The following DPP9 variants were observed in gnomAD, a reference collection of about 807,000 sequenced individuals.
The protein encoded by DPP9 is dipeptidyl peptidase 9.
A neutral mutation model predicts 110.7 loss-of-function variants in DPP9; 50 were observed. That is an observed-to-expected ratio of 0.45 (90% CI 0.36 to 0.57). DPP9 has a LOEUF of 0.57. DPP9 is among the 20% of genes least tolerant of loss of function. The pLI, the probability that DPP9 is intolerant of heterozygous loss-of-function variation, is 0.00. For missense variants in DPP9, 1,022 were observed against 1,217.9 expected, an observed-to-expected ratio of 0.84 and a Z score of 2.39; for synonymous variants, 561 against 514.4, an observed-to-expected ratio of 1.09 and a Z score of -1.23.
In DPP9 at chr19:4,675,782, T is replaced by G. The variant is rs2088775708; in HGVS notation, c.*782A>C. 2.0e-5 allele frequency: 3 copies of G among 152,302 alleles called. No homozygotes were observed. Among genetic ancestry groups the G allele is most frequent in the African/African-American group, 7.2e-5 (3 of 41,454 alleles). 9.4% of individuals were successfully genotyped at this position (152,302 alleles called of 1,614,324 possible). Reference sequence around the variant, plus strand: ...TTGCTTTCTGTCTTTTATTTTTTATTTATTTTGAGACAGAGTTTCGCTCTT... The same window carrying G: ...TTGCTTTCTGTCTTTTATTTTTTATGTATTTTGAGACAGAGTTTCGCTCTT... On this transcript the variant is annotated 3_prime_UTR_variant, in exon 22 of 22. Transcript: ENST00000262960.
chr19:4,691,442 C>T (rs1315910154), intron 13 of DPP9, among the ~76,000 whole-genome samples: 2 of 151,062 alleles, frequency 1.3e-5, no homozygotes, highest in Admixed American at 1.3e-4. Flanking sequence ...ACCACTGCCA[C>T]TCCAGCCTGG....
chr19:4,696,634 C>G (rs2091824169), intron 11 of DPP9, among the ~76,000 whole-genome samples: 1 of 151,402 alleles, frequency 6.6e-6, no homozygotes, highest in Non-Finnish European at 1.5e-5. Flanking sequence ...TGGCACGTGC[C>G]TGTACTCGGG....
At chr19:4,706,021 G>C (rs1238529601) in intron 4 of DPP9, 51 bp from the exon 5 acceptor site, 1 of 1,529,482 alleles carries the variant, frequency 6.5e-7, no homozygotes, top group Non-Finnish European at 9.0e-7. Flanking sequence ...TCAGGATGGG[G>C]AGACGCCCTC....
chr19:4,714,269 T>C lies in DPP9; in HGVS notation c.125A>G (p.Asp42Gly). ...GGCCGGGTCATCTGTGGCGGCTGCG[T>C]CGCCTCGGTCGGCCGTTGGGGTCCC... ...TTGTPTADRGDAAATDDPAAR... is the reference protein window; with the variant it reads ...TTGTPTADRGGAAATDDPAAR... The change falls in exon 4 of 22, where the codon GAC becomes GGC. Residue 42 changes from aspartate to glycine, a missense_variant. Around this residue, in one of 3 missense-constraint regions of DPP9, gnomAD observed 810 missense variants for 920.6 expected, o/e 0.88. Coordinates refer to ENST00000262960, the MANE Select transcript of DPP9 (RefSeq NM_139159.5). 3 of 1,560,634 alleles carry C rather than the reference T, an allele frequency of 1.9e-6. No homozygotes were observed. Among genetic ancestry groups the C allele is most frequent in the Non-Finnish European group, 2.6e-6 (3 of 1,155,608 alleles).
At chr19:4,701,243 G>C (rs531017948) in intron 9 of DPP9, among the ~76,000 whole-genome samples, 45 of 152,292 alleles carry the variant, frequency 3.0e-4, no homozygotes, top group African/African-American at 7.9e-4. Context: ...CGAGGCGAGA[G>C]GACCACTTGA....
intron 3 of DPP9, among the ~76,000 whole-genome samples, chr19:4,715,296 T>A (rs1461153010): frequency 6.6e-6 from 1 of 152,132 alleles, no homozygotes; most frequent in Non-Finnish European, 1.5e-5. Flanking sequence ...GTGCTGGGAT[T>A]ACAGGCATGA....
chr19:4,710,666 C>T lies in DPP9; in HGVS notation c.313+3415G>A, dbSNP rs962856196. ...GCTTTGAGCAGCAGGCCAGGCCTGG[C>T]CTTGAAGTCTGGACACTGGGCTAGT... On this transcript the variant is annotated intron_variant, in intron 4 of 21. Coordinates refer to ENST00000262960, the MANE Select transcript of DPP9 (RefSeq NM_139159.5). The surrounding 1 kb of genome is among the most constrained non-coding windows in gnomAD (Gnocchi z 5.6). Among the ~76,000 whole-genome samples, 2 of 152,062 alleles carry T rather than the reference C, an allele frequency of 1.3e-5. No individual in the cohort carries two copies. The highest frequency in any genetic ancestry group is 6.6e-5 in the Admixed American group (1 of 15,262).
In DPP9 at chr19:4,682,557, C is replaced by G. The variant is rs773530113; in HGVS notation, c.2474+139G>C. ...ATGCAGGCAGACGCCACCACAGGAG[C>G]ACAGCGGGGAGGCTCCACATGGCCT... is the stretch of plus-strand genomic sequence containing the variant. On this transcript the variant is annotated intron_variant, in intron 20 of 21. Coordinates refer to ENST00000262960, the MANE Select transcript of DPP9 (RefSeq NM_139159.5). This position sits in a 1 kb window ranked among gnomAD's most constrained non-coding sequence, Gnocchi z 7.1. 1.5e-4 allele frequency: 195 copies of G among 1,291,738 alleles called. 1 individual carries two copies. The highest frequency in any genetic ancestry group is 1.1e-4 in the Non-Finnish European group (103 of 947,326). The allele number at this position is 1,291,738 out of a possible 1,614,324, so 80.0% of individuals were successfully genotyped here.
chr19:4,684,812 G>T lies in DPP9; in HGVS notation c.2032-3C>A. On this transcript the variant is annotated splice_region_variant and splice_polypyrimidine_tract_variant and intron_variant, in intron 17 of 21. Transcript: ENST00000262960. The surrounding 1 kb of genome is among the most constrained non-coding windows in gnomAD (Gnocchi z 4.8). ...AAGGAGTTATTCACCAGCTGCACCT[G>T]TGGGGAGGTGAGGGCCAGCAGTCCA... is the stretch of plus-strand genomic sequence containing the variant. 6.3e-7 allele frequency: 1 copy of T among 1,588,710 alleles called. No homozygotes were observed. Among genetic ancestry groups the T allele is most frequent in the Non-Finnish European group, 8.6e-7 (1 of 1,168,376 alleles).
At chr19:4,701,006 G>C (rs571911646) in intron 9 of DPP9, among the ~76,000 whole-genome samples, 2 of 152,336 alleles carry the variant, frequency 1.3e-5, no homozygotes, top group Non-Finnish European at 2.9e-5. Context: ...CGTACAGGAA[G>C]CTTCCATCTA....
intron 2 of DPP9, 41 bp downstream of exon 2, chr19:4,722,458 C>T (rs2093364339): frequency 1.4e-6 from 1 of 702,312 alleles, no homozygotes; most frequent in South Asian, 1.5e-5. Flanking sequence ...CACCAGCCCA[C>T]ACCCCAGCCT....
In DPP9 at chr19:4,689,879, T is replaced by C. The variant is rs1036364649; in HGVS notation, c.1597-157A>G. Among the ~76,000 whole-genome samples the C allele has an allele frequency of 6.6e-6, 1 of 152,130 alleles. No homozygotes were observed. The highest frequency in any genetic ancestry group is 2.4e-5 in the African/African-American group (1 of 41,454). On this transcript the variant is annotated intron_variant, in intron 14 of 21. Coordinates refer to ENST00000262960, the MANE Select transcript of DPP9 (RefSeq NM_139159.5). This position sits in a 1 kb window ranked among gnomAD's most constrained non-coding sequence, Gnocchi z 7.0. Reference sequence around the variant, plus strand: ...TTTAGGGCTGGAGATGAACCATCCCTGAGAGATGCGCTTATCTGGCCCCGT... The same window carrying C: ...TTTAGGGCTGGAGATGAACCATCCCCGAGAGATGCGCTTATCTGGCCCCGT...
At chr19:4,707,410 A>G (rs1245050440) in intron 4 of DPP9, among the ~76,000 whole-genome samples, 1 of 152,116 alleles carries the variant, frequency 6.6e-6, no homozygotes, top group East Asian at 1.9e-4. Flanking sequence ...TCCCCTCTCC[A>G]TGCGACACCA....
Position 4,714,232 on chromosome 19 carries a change from C to T in DPP9, c.162G>A (p.Gln54=). 1 of 1,598,190 alleles carries T rather than the reference C, an allele frequency of 6.3e-7. No individual in the cohort carries two copies. The highest frequency in any genetic ancestry group is 1.7e-5 in the Admixed American group (1 of 57,924). ...AATDDPAARF[Q]VQKHSWDGLR... is the part of the protein sequence containing the mutation. ...GCCCGTCCCACGAGTGCTTCTGCAC[C>T]TGGAAGCGGGCGGCCGGGTCATCTG... The change falls in exon 4 of 22, where the codon CAG becomes CAA. Residue 54 remains glutamine (Q), a synonymous_variant. Transcript: ENST00000262960.
chr19:4,685,948 C>T lies in DPP9; in HGVS notation c.1886-177G>A, dbSNP rs1307742129. ...TTTTTTTCATTAAATAAGATTTGTA[C>T]AGTTTTTGTAGAGATGGGGTCTTGT... On this transcript the variant is annotated intron_variant, in intron 16 of 21. Transcript: ENST00000262960. The surrounding 1 kb of genome is among the most constrained non-coding windows in gnomAD (Gnocchi z 5.8). 1.0e-5 allele frequency: 7 copies of T among 691,594 alleles called. No homozygotes were observed. Among genetic ancestry groups the T allele is most frequent in the Non-Finnish European group, 1.6e-5 (7 of 433,328 alleles). 42.8% of individuals were successfully genotyped at this position (691,594 alleles called of 1,614,324 possible).
intron 1 of DPP9, chr19:4,722,792 G>T: frequency 2.0e-6 from 1 of 502,866 alleles, no homozygotes; most frequent in South Asian, 2.5e-5. Context: ...TGGTGCCTAC[G>T]GTCCACACCC....
At chr19:4,688,629 C>G in intron 16 of DPP9, 128 bp downstream of exon 16, 1 of 1,179,740 alleles carries the variant, frequency 8.5e-7, no homozygotes, top group Non-Finnish European at 1.1e-6. Flanking sequence ...CTTGGAGGGG[C>G]CTGGGTGCTG....
chr19:4,703,476 A>C (rs1383553101), intron 7 of DPP9, among the ~76,000 whole-genome samples: 2 of 151,414 alleles, frequency 1.3e-5, no homozygotes, highest in Non-Finnish European at 2.9e-5. Context: ...AATACAAAAA[A>C]AAAAAAAAAA....
Position 4,695,167 on chromosome 19 carries a change from G to A in DPP9, c.1353+211C>T. ...CTGTCTCTAATTAAAGAAAAAAATA[G>A]ATGAGGGGAGAGGCTCCAATGGCTG... On this transcript the variant is annotated intron_variant, in intron 12 of 21. Coordinates refer to ENST00000262960, the MANE Select transcript of DPP9 (RefSeq NM_139159.5). This position sits in a 1 kb window ranked among gnomAD's most constrained non-coding sequence, Gnocchi z 4.7. The A allele has an allele frequency of 1.7e-6, 1 of 585,772 alleles. No individual in the cohort carries two copies. The highest frequency in any genetic ancestry group is 2.3e-5 in the South Asian group (1 of 44,200). 36.3% of individuals were successfully genotyped at this position (585,772 alleles called of 1,614,324 possible). A position where few individuals can be genotyped will look rare whatever the true frequency, so the allele number is the denominator to read the frequency against.
Sources: allele counts gnomAD v4.1 joint callset (sites outside exome capture counted in the v4.1 genomes callset), GRCh38; gene constraint gnomAD v4.1.1; regional missense constraint gnomAD v4.1.1; non-coding constraint Gnocchi (gnomAD v3.1); transcripts MANE v1.5; gene names NCBI Gene and HGNC (gene_info 2026-07-23, HGNC 2026-07-21).